Variants in FUT9 observed in about 807,000 individuals in gnomAD.
The protein encoded by FUT9 is 4-galactosyl-N-acetylglucosaminide 3-alpha-L-fucosyltransferase 9.
Under a neutral mutation model 29.7 loss-of-function variants are expected in FUT9, and 15 were observed. The ratio of observed to expected loss-of-function variants is 0.51; its 90% CI spans 0.34 to 0.78. The LOEUF (loss-of-function observed/expected upper bound fraction) is 0.78, where lower values mean the gene tolerates loss of function less well. Ranked by LOEUF, FUT9 falls within the 30% of genes least tolerant of loss-of-function variation. The pLI is 0.01. For synonymous variants in FUT9, 169 were observed against 153.7 expected (o/e 1.10, Z -0.74); for missense variants, 319 against 425.4 (o/e 0.75, Z 2.20).
intron 1 of FUT9, among the ~76,000 whole-genome samples, chr6:96,023,154 C>T (rs978099116): frequency 6.6e-6 from 1 of 151,934 alleles, no homozygotes; most frequent in African/African-American, 2.4e-5. Flanking sequence ...ACACCATCTC[C>T]AATGCCCAAA....
In FUT9 at chr6:96,064,860, G is replaced by A. The variant is rs182037585; in HGVS notation, c.-98+48648G>A. Reference sequence around the variant, plus strand: ...ACTGAATGTCGAAGAAATCTGTTGAGAAAGCTGCTGTGCTAGCCAAAGCAA... The same window carrying A: ...ACTGAATGTCGAAGAAATCTGTTGAAAAAGCTGCTGTGCTAGCCAAAGCAA... On this transcript the variant is annotated intron_variant, in intron 1 of 2. Transcript: ENST00000302103. Among the ~76,000 whole-genome samples, 3 of 152,248 alleles carry A rather than the reference G, an allele frequency of 2.0e-5. No homozygotes were observed. In the East Asian group the frequency reaches 5.8e-4, roughly 29 times the overall value.
intron 2 of FUT9, among the ~76,000 whole-genome samples, chr6:96,172,891 A>C (rs1773139336): frequency 6.6e-6 from 1 of 152,176 alleles, no homozygotes; most frequent in African/African-American, 2.4e-5. Flanking sequence ...ACATTTACAT[A>C]ACTTAGAATT....
intron 2 of FUT9, among the ~76,000 whole-genome samples, chr6:96,190,019 T>C (rs1229336138): frequency 1.3e-5 from 2 of 152,228 alleles, no homozygotes; most frequent in South Asian, 2.1e-4. Context: ...CTTTACAATA[T>C]GGCATGTTTT....
At position 96,136,289 on chromosome 6, in the gene FUT9, C is replaced by T. The variant is rs542678176; in HGVS notation, c.-9+22162C>T. 9.2e-5 allele frequency among the ~76,000 whole-genome samples: 14 copies of T among 151,768 alleles called. No homozygotes were observed. In the South Asian group the frequency reaches 2.9e-3, roughly 31 times the overall value. ...ACTTGAGTGAGTAGAATAATTTAAC[C>T]TTTTAGCTTTGAGCATGATATGTTG... On this transcript the variant is annotated intron_variant, in intron 2 of 2. Transcript: ENST00000302103.
chr6:96,134,844 T>C (rs981129907), intron 2 of FUT9, among the ~76,000 whole-genome samples: 1 of 151,896 alleles, frequency 6.6e-6, no homozygotes, highest in South Asian at 2.1e-4. Flanking sequence ...AATATTTTAA[T>C]TTTTTATTAG....
At chr6:96,029,613 A>G (rs1169190736) in intron 1 of FUT9, among the ~76,000 whole-genome samples, 1 of 151,644 alleles carries the variant, frequency 6.6e-6, no homozygotes, top group South Asian at 2.1e-4. Flanking sequence ...GATTGGCATC[A>G]TTCCCAATTA....
chr6:96,039,171 G>A lies in FUT9; in HGVS notation c.-98+22959G>A, dbSNP rs188941937. Among the ~76,000 whole-genome samples the A allele has an allele frequency of 5.3e-5, 8 of 152,084 alleles. No individual in the cohort carries two copies. The East Asian group carries it at 1.6e-3, about 29-fold the overall frequency. On this transcript the variant is annotated intron_variant, in intron 1 of 2. Transcript: ENST00000302103. ...GGCACATAATTTACGCTCAGCAGAT[G>A]TTTATTCAATTGAACTGAACATCAT...
intron 1 of FUT9, among the ~76,000 whole-genome samples, chr6:96,046,928 G>T (rs551057240): frequency 6.6e-6 from 1 of 152,254 alleles, no homozygotes; most frequent in South Asian, 2.1e-4. Flanking sequence ...TTTGAGTTTA[G>T]TGGCAACCAA....
chr6:96,020,152 A>G (rs1357801208), intron 1 of FUT9, among the ~76,000 whole-genome samples: 1 of 152,076 alleles, frequency 6.6e-6, no homozygotes, highest in Non-Finnish European at 1.5e-5. Context: ...CAAAAATTAA[A>G]CTGCAACTAG....
At chr6:96,071,491 A>G (rs1181395959) in intron 1 of FUT9, among the ~76,000 whole-genome samples, 1 of 152,232 alleles carries the variant, frequency 6.6e-6, no homozygotes, top group Non-Finnish European at 1.5e-5. Flanking sequence ...CATTCTGATT[A>G]ATGATCACAG....
At chr6:96,050,020 C>A (rs1290233469) in intron 1 of FUT9, among the ~76,000 whole-genome samples, 1 of 152,154 alleles carries the variant, frequency 6.6e-6, no homozygotes, top group Non-Finnish European at 1.5e-5. Context: ...TACCAGAATT[C>A]TCTGCTCACA....
chr6:96,118,562 G>T (rs1287117249), intron 2 of FUT9, among the ~76,000 whole-genome samples: 1 of 152,080 alleles, frequency 6.6e-6, no homozygotes, highest in Non-Finnish European at 1.5e-5. Flanking sequence ...AATTACATAA[G>T]GTGCATAACA....
At chr6:96,078,848 G>A (rs933529027) in intron 1 of FUT9, among the ~76,000 whole-genome samples, 1 of 152,076 alleles carries the variant, frequency 6.6e-6, no homozygotes, top group Non-Finnish European at 1.5e-5. Context: ...TTCATTTACC[G>A]TGATTAATCA....
chr6:96,198,336 C>A (rs1379355472), intron 2 of FUT9, among the ~76,000 whole-genome samples: 2 of 138,008 alleles, frequency 1.4e-5, no homozygotes, highest in African/African-American at 5.4e-5. Context: ...TCTCATTGTT[C>A]AATTCCCATC....
chr6:96,183,195 A>AT (rs1209598531), intron 2 of FUT9, among the ~76,000 whole-genome samples: 3 of 150,680 alleles, frequency 2.0e-5, no homozygotes, highest in African/African-American at 7.3e-5. Flanking sequence ...CATTTTTTTT[A>AT]TTTTTTGGCA....
At chr6:96,036,157 T>A (rs1770362322) in intron 1 of FUT9, among the ~76,000 whole-genome samples, 1 of 147,986 alleles carries the variant, frequency 6.8e-6, no homozygotes, top group African/African-American at 2.5e-5. Flanking sequence ...GATTTTAGAT[T>A]TCTTATATAT....
At chr6:96,168,234 C>G (rs1332387368) in intron 2 of FUT9, among the ~76,000 whole-genome samples, 1 of 152,118 alleles carries the variant, frequency 6.6e-6, no homozygotes, top group Non-Finnish European at 1.5e-5. Context: ...ATGGAAGGAT[C>G]AAGCAGGCAT....
At chr6:96,118,229 A>C (rs918301153) in intron 2 of FUT9, among the ~76,000 whole-genome samples, 3 of 150,360 alleles carry the variant, frequency 2.0e-5, no homozygotes, top group African/African-American at 4.9e-5. Context: ...AAAAAGTCCT[A>C]CTGGACTGGG....
At chr6:96,034,705 A>G (rs1169777566) in intron 1 of FUT9, among the ~76,000 whole-genome samples, 1 of 151,690 alleles carries the variant, frequency 6.6e-6, no homozygotes, top group African/African-American at 2.4e-5. Context: ...ACCACCACCT[A>G]CATCCTTATA....
Sources: gnomAD v4.1 joint callset for allele counts (sites outside exome capture counted in the v4.1 genomes callset) on GRCh38, gnomAD v4.1.1 for gene constraint, MANE v1.5 for transcripts, NCBI Gene and HGNC (gene_info 2026-07-23, HGNC 2026-07-21) for gene names.